The following PTPRK variants were observed in gnomAD, a reference collection of about 807,000 sequenced individuals.
PTPRK encodes the protein receptor-type tyrosine-protein phosphatase kappa.
A neutral mutation model predicts 178.0 loss-of-function variants in PTPRK; 75 were observed. That is an observed-to-expected ratio of 0.42 (90% CI 0.35 to 0.51). The LOEUF (loss-of-function observed/expected upper bound fraction) is 0.51, where lower values mean the gene tolerates loss of function less well. PTPRK is among the 20% of genes least tolerant of loss of function. The pLI, the probability that PTPRK is intolerant of heterozygous loss-of-function variation, is 0.02. For synonymous variants in PTPRK, 637 were observed against 620.6 expected (o/e 1.03, Z -0.39); for missense variants, 1,441 against 1,797.8 (o/e 0.80, Z 3.59).
At chr6:128,478,422 C>A (rs1851645031) in intron 1 of PTPRK, among the ~76,000 whole-genome samples, 1 of 152,108 alleles carries the variant, frequency 6.6e-6, no homozygotes, top group Non-Finnish European at 1.5e-5. Context: ...CGGAACTGCT[C>A]TAACCTTCTT....
intron 7 of PTPRK, among the ~76,000 whole-genome samples, chr6:128,167,732 A>G (rs1799626547): frequency 6.6e-6 from 1 of 152,086 alleles, no homozygotes; most frequent in Non-Finnish European, 1.5e-5. Flanking sequence ...TAGACATTTC[A>G]TGAACTTAAT....
chr6:128,137,296 A>G (rs1302673542), intron 7 of PTPRK, among the ~76,000 whole-genome samples: 2 of 152,168 alleles, frequency 1.3e-5, no homozygotes, highest in African/African-American at 4.8e-5. Context: ...ACTTAGCTCT[A>G]TTTCCAAAAG....
chr6:128,457,355 C>A (rs1848528603), intron 1 of PTPRK, among the ~76,000 whole-genome samples: 1 of 152,058 alleles, frequency 6.6e-6, no homozygotes, highest in South Asian at 2.1e-4. Context: ...GCATCTATAA[C>A]CAAGTTCAGA....
intron 3 of PTPRK, among the ~76,000 whole-genome samples, chr6:128,299,965 C>G (rs1211344957): frequency 6.6e-6 from 1 of 151,956 alleles, no homozygotes; most frequent in African/African-American, 2.4e-5. Flanking sequence ...ATTTTCGCAA[C>G]CTACTCATCT....
chr6:128,351,594 T>G (rs552672102), intron 2 of PTPRK, among the ~76,000 whole-genome samples: 1 of 152,268 alleles, frequency 6.6e-6, no homozygotes, highest in African/African-American at 2.4e-5. Flanking sequence ...AGTTTAAAAT[T>G]CCCCTTCTTA....
chr6:128,327,678 C>T (rs1471127153), intron 2 of PTPRK, among the ~76,000 whole-genome samples: 1 of 152,104 alleles, frequency 6.6e-6, no homozygotes, highest in African/African-American at 2.4e-5. Context: ...TAGAAAGCAC[C>T]TGAATTATTC....
At chr6:128,229,603 A>C (rs1811961562) in intron 5 of PTPRK, among the ~76,000 whole-genome samples, 1 of 152,212 alleles carries the variant, frequency 6.6e-6, no homozygotes, top group Non-Finnish European at 1.5e-5. Flanking sequence ...AACATCTCAC[A>C]GTACCAGGTA....
intron 13 of PTPRK, among the ~76,000 whole-genome samples, chr6:128,016,057 A>C (rs1377751838): frequency 1.3e-5 from 2 of 151,784 alleles, no homozygotes; most frequent in Non-Finnish European, 2.9e-5. Context: ...GCTTTGACTG[A>C]AATTTGTATT....
chr6:128,217,250 T>C (rs1809494036), intron 6 of PTPRK, among the ~76,000 whole-genome samples: 1 of 152,194 alleles, frequency 6.6e-6, no homozygotes, highest in Admixed American at 6.5e-5. Flanking sequence ...ATTTTCTTAA[T>C]TGAAACTGGG....
At chr6:128,073,484 G>A (rs1342931653) in intron 11 of PTPRK, among the ~76,000 whole-genome samples, 2 of 151,976 alleles carry the variant, frequency 1.3e-5, no homozygotes, top group Non-Finnish European at 2.9e-5. Flanking sequence ...TCTGAAGAAA[G>A]AGAAGATTTA....
chr6:128,108,367 A>G (rs1310658117), intron 7 of PTPRK, among the ~76,000 whole-genome samples: 4 of 152,188 alleles, frequency 2.6e-5, no homozygotes, highest in Non-Finnish European at 5.9e-5. Flanking sequence ...AAAAGAGAGT[A>G]GAGGCAACAA....
chr6:128,193,601 T>C (rs1230306834), intron 6 of PTPRK, among the ~76,000 whole-genome samples: 1 of 152,140 alleles, frequency 6.6e-6, no homozygotes, highest in Admixed American at 6.6e-5. Context: ...ATGTGATATG[T>C]ATTCAGTTTT....
intron 24 of PTPRK, 51 bp from the exon 25 acceptor site, chr6:127,981,340 G>C: frequency 6.8e-7 from 1 of 1,478,582 alleles, no homozygotes; most frequent in Non-Finnish European, 9.3e-7. Context: ...CCATTTAACA[G>C]TATAACACAG....
intron 1 of PTPRK, among the ~76,000 whole-genome samples, chr6:128,437,433 T>C (rs1021978084): frequency 5.9e-5 from 9 of 152,164 alleles, no homozygotes; most frequent in African/African-American, 2.2e-4. Flanking sequence ...TAATAAACTA[T>C]GTTACCTTCA....
At chr6:128,492,337 A>T (rs1853929537) in intron 1 of PTPRK, among the ~76,000 whole-genome samples, 1 of 152,190 alleles carries the variant, frequency 6.6e-6, no homozygotes, top group African/African-American at 2.4e-5. Context: ...GCATGTTCCC[A>T]GAATACCCCA....
intron 7 of PTPRK, among the ~76,000 whole-genome samples, chr6:128,147,680 C>T (rs1796686608): frequency 6.6e-6 from 1 of 152,116 alleles, no homozygotes; most frequent in South Asian, 2.1e-4. Context: ...GTTTTTAAAA[C>T]TCTATCACAC....
At chr6:128,200,396 T>C (rs1805690227) in intron 6 of PTPRK, among the ~76,000 whole-genome samples, 1 of 152,078 alleles carries the variant, frequency 6.6e-6, no homozygotes, top group African/African-American at 2.4e-5. Context: ...CTACTTAAGA[T>C]ACAAATTAGA....
chr6:128,343,126 G>A (rs1439311612), intron 2 of PTPRK, among the ~76,000 whole-genome samples: 1 of 152,242 alleles, frequency 6.6e-6, no homozygotes, highest in East Asian at 1.9e-4. Flanking sequence ...ATGTACAAAA[G>A]ATGTCTACTA....
intron 13 of PTPRK, among the ~76,000 whole-genome samples, chr6:128,031,848 T>C (rs1204193937): frequency 6.6e-6 from 1 of 152,148 alleles, no homozygotes; most frequent in Non-Finnish European, 1.5e-5. Flanking sequence ...TCTTTCCCTG[T>C]AAGAAAAACA....
Sources: allele counts gnomAD v4.1 joint callset (sites outside exome capture counted in the v4.1 genomes callset), GRCh38; gene constraint gnomAD v4.1.1; transcripts MANE v1.5; gene names NCBI Gene and HGNC (gene_info 2026-07-23, HGNC 2026-07-21).